Variants in ARHGAP15 observed in about 807,000 individuals in gnomAD.
ARHGAP15 encodes rho GTPase-activating protein 15.
ARHGAP15 carries 51 observed loss-of-function variants against 63.7 expected under a neutral mutation model. The observed-to-expected ratio is 0.80, with a 90% CI of 0.64 to 1.01. The LOEUF (loss-of-function observed/expected upper bound fraction) is 1.01, where lower values mean the gene tolerates loss of function less well. Among genes scored for constraint, ARHGAP15 ranks in the 50% least tolerant of loss-of-function variants. ARHGAP15 has a pLI of 0.00. For synonymous variants in ARHGAP15, 191 were observed against 193.8 expected (o/e 0.99, Z 0.12); for missense variants, 560 against 564.6 (o/e 0.99, Z 0.08).
At chr2:143,198,698 G>A (rs6751487) in intron 2 of ARHGAP15, among the ~76,000 whole-genome samples, 4 of 152,110 alleles carry the variant, frequency 2.6e-5, no homozygotes, top group African/African-American at 7.2e-5. Context: ...AGGCAAGTGG[G>A]TCTGTATGCC....
At chr2:143,141,479 G>C (rs1245304980) in intron 1 of ARHGAP15, among the ~76,000 whole-genome samples, 3 of 152,068 alleles carry the variant, frequency 2.0e-5, no homozygotes, top group African/African-American at 7.2e-5. Flanking sequence ...AGCTCAAATA[G>C]AGAACAGAAA....
chr2:143,197,625 A>G (rs1337626195), intron 2 of ARHGAP15, among the ~76,000 whole-genome samples: 2 of 152,024 alleles, frequency 1.3e-5, no homozygotes, highest in African/African-American at 4.8e-5. Flanking sequence ...GTCTCAGTCA[A>G]CATAATCTGA....
chr2:143,322,403 G>A (rs1195095721), intron 6 of ARHGAP15, among the ~76,000 whole-genome samples: 2 of 151,974 alleles, frequency 1.3e-5, no homozygotes, highest in Admixed American at 6.6e-5. Context: ...CTACCTTCTC[G>A]GTAACTCTCT....
chr2:143,664,083 C>T (rs1461177429), intron 12 of ARHGAP15, among the ~76,000 whole-genome samples: 1 of 152,060 alleles, frequency 6.6e-6, no homozygotes, highest in South Asian at 2.1e-4. Context: ...CTACAGAACT[C>T]TCCACCCCAA....
intron 9 of ARHGAP15, among the ~76,000 whole-genome samples, chr2:143,514,102 G>A (rs1693703778): frequency 6.6e-6 from 1 of 152,154 alleles, no homozygotes; most frequent in South Asian, 2.1e-4. Context: ...ATCTGCAATA[G>A]CATTAGTCAT....
rs372049114 is a variant in ARHGAP15, at chr2:143,392,485, C to A, written c.475-43116C>A. ...ACATACAATTGAGTGTTAAATCCTA[C>A]CTATATGATGTGGCATGTTCAAGTA... is the stretch of plus-strand genomic sequence containing the variant. On this transcript the variant is annotated intron_variant, in intron 6 of 13. Transcript: ENST00000295095. Among the ~76,000 whole-genome samples, 35 of 152,220 alleles carry A rather than the reference C, an allele frequency of 2.3e-4. No homozygotes were observed. The East Asian group carries it at 5.8e-3, about 25-fold the overall frequency.
intron 11 of ARHGAP15, among the ~76,000 whole-genome samples, chr2:143,559,934 CAT>C (rs911913067): frequency 6.6e-6 from 1 of 152,358 alleles, no homozygotes; most frequent in Non-Finnish European, 1.5e-5. Flanking sequence ...TCACCTTGCA[CAT>C]GTTTATTTTC....
At chr2:143,493,133 C>T (rs1464116049) in intron 9 of ARHGAP15, among the ~76,000 whole-genome samples, 1 of 152,120 alleles carries the variant, frequency 6.6e-6, no homozygotes, top group Non-Finnish European at 1.5e-5. Context: ...AGATTGTTTA[C>T]TGTAGCACCA....
At chr2:143,545,495 G>T (rs901738858) in intron 10 of ARHGAP15, among the ~76,000 whole-genome samples, 3 of 49,674 alleles carry the variant, frequency 6.0e-5, no homozygotes, top group African/African-American at 2.4e-4. Context: ...GTTGCACAAA[G>T]TAAAAATAAT....
chr2:143,384,569 A>T (rs1179053744), intron 6 of ARHGAP15, among the ~76,000 whole-genome samples: 2 of 92,828 alleles, frequency 2.2e-5, no homozygotes, highest in African/African-American at 4.4e-5. Context: ...TAGAGTTAAA[A>T]AAAAAAAAAA....
At chr2:143,762,137 A>G (rs932763525) in intron 13 of ARHGAP15, among the ~76,000 whole-genome samples, 1 of 152,014 alleles carries the variant, frequency 6.6e-6, no homozygotes, top group African/African-American at 2.4e-5. Context: ...TGAGCTCTTC[A>G]TGTTGCTTAG....
chr2:143,519,173 G>C, intron 9 of ARHGAP15, 93 bp from the exon 10 acceptor site: 1 of 945,044 alleles, frequency 1.1e-6, no homozygotes, highest in South Asian at 1.5e-5. Flanking sequence ...GCAAGATGAA[G>C]ATTTCAGCAT....
At chr2:143,547,978 G>A (rs1695402624) in intron 10 of ARHGAP15, among the ~76,000 whole-genome samples, 1 of 151,946 alleles carries the variant, frequency 6.6e-6, no homozygotes, top group African/African-American at 2.4e-5. Flanking sequence ...ATGATACAAT[G>A]TAGAACCACT....
intron 6 of ARHGAP15, among the ~76,000 whole-genome samples, chr2:143,364,217 AAAC>A (rs1402001895): frequency 6.6e-6 from 1 of 151,372 alleles, no homozygotes; most frequent in Non-Finnish European, 1.5e-5. Flanking sequence ...AAAAAAAAAA[AAAC>A]ATTCAATCAT....
At chr2:143,274,502 G>A (rs1203301541) in intron 6 of ARHGAP15, among the ~76,000 whole-genome samples, 1 of 152,178 alleles carries the variant, frequency 6.6e-6, no homozygotes, top group Non-Finnish European at 1.5e-5. Flanking sequence ...GATCTGAAAT[G>A]TTCAATGGTG....
At chr2:143,292,612 A>G (rs1682456536) in intron 6 of ARHGAP15, among the ~76,000 whole-genome samples, 1 of 152,058 alleles carries the variant, frequency 6.6e-6, no homozygotes, top group Non-Finnish European at 1.5e-5. Flanking sequence ...TAGAAAAGAC[A>G]GTCCTTTTAA....
chr2:143,677,287 TAACTG>T (rs570291159), intron 12 of ARHGAP15, among the ~76,000 whole-genome samples: 21 of 152,386 alleles, frequency 1.4e-4, no homozygotes, highest in East Asian at 1.2e-3. Flanking sequence ...GTGTATCTGT[TAACTG>T]AACCATGAAT....
chr2:143,648,434 T>C (rs149329427), intron 12 of ARHGAP15, among the ~76,000 whole-genome samples: 2,484 of 152,142 alleles, frequency 0.016, 149 homozygotes, highest in Admixed American at 0.13. Flanking sequence ...CAGAAGATTG[T>C]TTTTATGTCA....
chr2:143,308,451 C>A (rs773123650), intron 6 of ARHGAP15, among the ~76,000 whole-genome samples: 17 of 148,586 alleles, frequency 1.1e-4, no homozygotes, highest in Middle Eastern at 3.4e-3. Context: ...TAATTGTACC[C>A]AGTTTGCAGG....
Sources: allele counts gnomAD v4.1 joint callset (sites outside exome capture counted in the v4.1 genomes callset), GRCh38; gene constraint gnomAD v4.1.1; transcripts MANE v1.5; gene names NCBI Gene and HGNC (gene_info 2026-07-23, HGNC 2026-07-21).